MAD1L1: variants seen among roughly 807,000 people sequenced by gnomAD.
The protein encoded by MAD1L1 is mitotic spindle assembly checkpoint protein MAD1.
In MAD1L1, 95 loss-of-function variants were observed where a neutral mutation model predicts 96.9. The ratio of observed to expected loss-of-function variants is 0.98; its 90% CI spans 0.83 to 1.16. MAD1L1 has a LOEUF of 1.16. Among genes scored for constraint, MAD1L1 ranks in the 50% most tolerant of loss-of-function variants. The pLI is 0.00. For synonymous variants in MAD1L1, 473 were observed against 396.6 expected (o/e 1.19, Z -2.29); for missense variants, 1,007 against 954.4 (o/e 1.06, Z -0.73).
At chr7:1,972,986 A>C (rs1306180656) in intron 15 of MAD1L1, among the ~76,000 whole-genome samples, 2 of 152,046 alleles carry the variant, frequency 1.3e-5, no homozygotes, top group African/African-American at 2.4e-5. Flanking sequence ...ACTGACATCT[A>C]GTTTGGGTTC....
intron 12 of MAD1L1, among the ~76,000 whole-genome samples, chr7:2,020,618 G>A (rs1782747682): frequency 6.6e-6 from 1 of 152,246 alleles, no homozygotes; most frequent in Non-Finnish European, 1.5e-5. Context: ...CCGGAGTCTA[G>A]GGGCCTCCTG....
At chr7:2,220,978 G>A (rs771609498) in intron 5 of MAD1L1, 5 of 1,612,528 alleles carry the variant, frequency 3.1e-6, no homozygotes, top group Non-Finnish European at 4.2e-6. Context: ...GCAAGGAAGA[G>A]GCGCATAAGA....
At position 2,088,565 on chromosome 7, in the gene MAD1L1, C is replaced by A. The variant is rs961173936; in HGVS notation, c.1074-19227G>T. Among the ~76,000 whole-genome samples the A allele has an allele frequency of 1.3e-5, 2 of 152,176 alleles. No homozygotes were observed. Among genetic ancestry groups the A allele is most frequent in the Non-Finnish European group, 2.9e-5 (2 of 68,022 alleles). ...GTGCACATCCATCTCCCTGGGAGGC[C>A]GGGGAGATCAGGACGGTGTGGCACA... On this transcript the variant is annotated intron_variant, in intron 11 of 18. Coordinates refer to ENST00000265854, the MANE Select transcript of MAD1L1 (RefSeq NM_001013836.2). This position sits in a 1 kb window ranked among gnomAD's most constrained non-coding sequence, Gnocchi z 4.4.
At chr7:1,994,366 G>A (rs1476408607) in intron 14 of MAD1L1, among the ~76,000 whole-genome samples, 1 of 152,200 alleles carries the variant, frequency 6.6e-6, no homozygotes, top group Non-Finnish European at 1.5e-5. Flanking sequence ...AGGCTCCGCT[G>A]AACTGAAAAG....
At chr7:1,984,606 C>T (rs1005310042) in intron 14 of MAD1L1, among the ~76,000 whole-genome samples, 1 of 152,212 alleles carries the variant, frequency 6.6e-6, no homozygotes, top group Non-Finnish European at 1.5e-5. Context: ...TGAAAAGCGC[C>T]CACCTTTGTT....
chr7:1,923,143 G>A (rs771043843), intron 17 of MAD1L1, among the ~76,000 whole-genome samples: 1 of 152,208 alleles, frequency 6.6e-6, no homozygotes, highest in Non-Finnish European at 1.5e-5. Flanking sequence ...TGGGCCTGGA[G>A]ATATCCTTTT....
intron 18 of MAD1L1, among the ~76,000 whole-genome samples, chr7:1,821,478 GCACA>G (rs1782123200): frequency 6.6e-6 from 1 of 151,928 alleles, no homozygotes; most frequent in Non-Finnish European, 1.5e-5. Context: ...AGGATGGTGC[GCACA>G]CAAAGAAAAA....
At chr7:2,039,353 C>T (rs1451501148) in intron 12 of MAD1L1, among the ~76,000 whole-genome samples, 1 of 152,232 alleles carries the variant, frequency 6.6e-6, no homozygotes, top group African/African-American at 2.4e-5. Context: ...GTCCGAACCT[C>T]GGTTTTATTT....
chr7:1,845,195 G>A (rs1258122036), intron 18 of MAD1L1: 1 of 152,302 alleles, frequency 6.6e-6, no homozygotes, highest in Non-Finnish European at 1.5e-5. Context: ...GCTCAGGGTG[G>A]GGAGACGCAT....
At chr7:2,126,470 G>A (rs528277854) in intron 11 of MAD1L1, among the ~76,000 whole-genome samples, 52 of 152,310 alleles carry the variant, frequency 3.4e-4, no homozygotes, top group Non-Finnish European at 5.4e-4. Flanking sequence ...GCACAGCTGC[G>A]GAGCTATCTT....
At chr7:2,220,843 C>A (rs1235976233) in intron 5 of MAD1L1, 1 of 1,562,758 alleles carries the variant, frequency 6.4e-7, no homozygotes, top group Non-Finnish European at 8.7e-7. Flanking sequence ...TAACAATAAA[C>A]ACATCCTCCC....
intron 13 of MAD1L1, among the ~76,000 whole-genome samples, chr7:2,008,786 ACGGC>A (rs1473335952): frequency 7.1e-5 from 8 of 112,364 alleles, no homozygotes; most frequent in Non-Finnish European, 1.5e-4. Flanking sequence ...GGGAAGGAAC[ACGGC>A]TCCATCCCAA....
At chr7:1,829,955 A>T (rs1324913517) in intron 18 of MAD1L1, among the ~76,000 whole-genome samples, 1 of 152,194 alleles carries the variant, frequency 6.6e-6, no homozygotes, top group African/African-American at 2.4e-5. Context: ...AAAGCCCAGA[A>T]TTCTCCACCC....
chr7:2,145,507 C>T (rs969188552), intron 11 of MAD1L1, among the ~76,000 whole-genome samples: 1 of 152,218 alleles, frequency 6.6e-6, no homozygotes, highest in East Asian at 1.9e-4. Flanking sequence ...TGTGCTTCAC[C>T]AGTAAAAGGG....
chr7:2,172,882 G>A (rs1049015682), intron 10 of MAD1L1, among the ~76,000 whole-genome samples: 1 of 152,208 alleles, frequency 6.6e-6, no homozygotes, highest in Admixed American at 6.5e-5. Flanking sequence ...ATGGCTCCTG[G>A]GAGCGTGCAC....
At chr7:1,828,848 T>C (rs1366892032) in intron 18 of MAD1L1, among the ~76,000 whole-genome samples, 1 of 151,940 alleles carries the variant, frequency 6.6e-6, no homozygotes, top group African/African-American at 2.4e-5. Context: ...GTAACTTTGC[T>C]CCATATGCCC....
At chr7:1,906,685 C>A (rs950749402) in intron 17 of MAD1L1, among the ~76,000 whole-genome samples, 3 of 152,228 alleles carry the variant, frequency 2.0e-5, no homozygotes, top group African/African-American at 7.2e-5. Context: ...CTGGGCCAGG[C>A]CTGTGCGCAC....
intron 17 of MAD1L1, among the ~76,000 whole-genome samples, chr7:1,916,995 G>C (rs993735648): frequency 6.6e-6 from 1 of 151,916 alleles, no homozygotes; most frequent in Non-Finnish European, 1.5e-5. Context: ...GTGTCCTCCA[G>C]TCATCACAGC....
chr7:2,029,416 C>T (rs995288431), intron 12 of MAD1L1, among the ~76,000 whole-genome samples: 5 of 152,216 alleles, frequency 3.3e-5, no homozygotes, highest in South Asian at 2.1e-4. Context: ...GTGGAGGAGC[C>T]GGCAGGTGAA....
Sources: allele counts gnomAD v4.1 joint callset (sites outside exome capture counted in the v4.1 genomes callset), GRCh38; gene constraint gnomAD v4.1.1; non-coding constraint Gnocchi (gnomAD v3.1); transcripts MANE v1.5; gene names NCBI Gene and HGNC (gene_info 2026-07-23, HGNC 2026-07-21).